Variants in ABCB11 observed in about 807,000 individuals in gnomAD.
The protein encoded by ABCB11 is bile salt export pump.
Under a neutral mutation model 148.0 loss-of-function variants are expected in ABCB11, and 95 were observed. The observed-to-expected ratio is 0.64, with a 90% CI of 0.54 to 0.76. The LOEUF is 0.76. Among genes scored for constraint, ABCB11 ranks in the 30% least tolerant of loss-of-function variants. The pLI, the probability that ABCB11 is intolerant of heterozygous loss-of-function variation, is 0.00. For synonymous variants in ABCB11, 591 were observed against 555.4 expected (o/e 1.06, Z -0.90); for missense variants, 1,523 against 1,617.8 (o/e 0.94, Z 1.01).
intron 25 of ABCB11, among the ~76,000 whole-genome samples, chr2:168,929,323 C>T (rs1388312805): frequency 2.0e-5 from 3 of 151,800 alleles, no homozygotes; most frequent in East Asian, 1.9e-4. Context: ...GCAAACGTTG[C>T]GAGTGACAGA....
At chr2:168,926,591 T>C (rs1179895351) in intron 26 of ABCB11, among the ~76,000 whole-genome samples, 1 of 152,170 alleles carries the variant, frequency 6.6e-6, no homozygotes, top group Non-Finnish European at 1.5e-5. Flanking sequence ...ATAGCATCCA[T>C]TGCATTGGGC....
chr2:169,010,879 A>G (rs1219236050), intron 5 of ABCB11, among the ~76,000 whole-genome samples: 1 of 152,218 alleles, frequency 6.6e-6, no homozygotes, highest in African/African-American at 2.4e-5. Flanking sequence ...ATACAATTTC[A>G]GCTATCTGTA....
At chr2:168,970,353 A>G (rs1245508697) in intron 14 of ABCB11, 138 bp from the exon 15 acceptor site, 6 of 1,537,718 alleles carry the variant, frequency 3.9e-6, no homozygotes, top group Non-Finnish European at 5.2e-6. Flanking sequence ...TGAAAGAAAT[A>G]TCCCTTCCCC....
chr2:168,981,773 A>G (rs1694144539), intron 10 of ABCB11, among the ~76,000 whole-genome samples: 1 of 152,186 alleles, frequency 6.6e-6, no homozygotes, highest in East Asian at 1.9e-4. Flanking sequence ...TTTTCAGGCC[A>G]TATGGGCTCT....
chr2:168,959,750 C>A (rs936231615), intron 18 of ABCB11, among the ~76,000 whole-genome samples: 1 of 151,478 alleles, frequency 6.6e-6, no homozygotes, highest in Non-Finnish European at 1.5e-5. Context: ...GGTTTCCTCT[C>A]GTTTAAAACA....
chr2:169,007,768 A>G (rs182859184), intron 5 of ABCB11, among the ~76,000 whole-genome samples: 115 of 152,332 alleles, frequency 7.5e-4, no homozygotes, highest in African/African-American at 2.5e-3. Flanking sequence ...CAGAAGCAAC[A>G]AAAGAACAAA....
At chr2:168,924,917 G>A in intron 26 of ABCB11, 114 bp from the exon 27 acceptor site, 1 of 833,322 alleles carries the variant, frequency 1.2e-6, no homozygotes, top group South Asian at 2.9e-5. Flanking sequence ...TTGAACTAGG[G>A]AACAGTGAGT....
chr2:169,031,244 G>A lies in ABCB11; in HGVS notation c.-47C>T, dbSNP rs541969773. 6.6e-6 allele frequency: 1 copy of A among 152,296 alleles called. No individual in the cohort carries two copies. Among genetic ancestry groups the A allele is most frequent in the Admixed American group, 6.5e-5 (1 of 15,304 alleles). The allele number at this position is 152,296 out of a possible 1,614,324, so 9.4% of individuals were successfully genotyped here. A position where few individuals can be genotyped will look rare whatever the true frequency, so the allele number is the denominator to read the frequency against. ...ACTTACCTGTGAATATGAATTTGAGGAAGCCAGAGGAAATAATGGACTCCA... is the reference window on the plus strand; with the variant it reads ...ACTTACCTGTGAATATGAATTTGAGAAAGCCAGAGGAAATAATGGACTCCA... On this transcript the variant is annotated 5_prime_UTR_variant, in exon 1 of 28. Transcript: ENST00000650372.
chr2:168,996,003 T>C (rs2106015176), intron 6 of ABCB11, among the ~76,000 whole-genome samples: 1 of 122,522 alleles, frequency 8.2e-6, no homozygotes, highest in East Asian at 2.3e-4. Flanking sequence ...AAAAAAAGCC[T>C]GTCATTAAAA....
At chr2:169,015,191 A>G (rs943084244) in intron 3 of ABCB11, among the ~76,000 whole-genome samples, 2 of 151,866 alleles carry the variant, frequency 1.3e-5, no homozygotes, top group Non-Finnish European at 2.9e-5. Flanking sequence ...CACTCTCACC[A>G]TCATCCTCAA....
intron 8 of ABCB11, among the ~76,000 whole-genome samples, chr2:168,992,995 T>G (rs192098827): frequency 6.6e-6 from 1 of 152,120 alleles, no homozygotes; most frequent in Non-Finnish European, 1.5e-5. Context: ...TAATAATTTC[T>G]CAGTCCTTGG....
At chr2:168,930,300 C>T (rs2105887769) in intron 25 of ABCB11, among the ~76,000 whole-genome samples, 1 of 152,268 alleles carries the variant, frequency 6.6e-6, no homozygotes, top group African/African-American at 2.4e-5. Context: ...ATCATTATTT[C>T]CCTTATCACT....
intron 19 of ABCB11, among the ~76,000 whole-genome samples, chr2:168,947,420 T>C (rs1252056616): frequency 6.6e-6 from 1 of 151,452 alleles, no homozygotes; most frequent in East Asian, 2.0e-4. Context: ...CCAAGTCAAA[T>C]GGACACAGGG....
chr2:168,985,790 C>T (rs775795191), intron 10 of ABCB11, among the ~76,000 whole-genome samples: 8 of 151,898 alleles, frequency 5.3e-5, no homozygotes, highest in South Asian at 2.1e-4. Flanking sequence ...GGGGACTCAG[C>T]GGAAAAGGGT....
intron 5 of ABCB11, among the ~76,000 whole-genome samples, chr2:169,002,078 A>C (rs1447191480): frequency 6.6e-6 from 1 of 152,208 alleles, no homozygotes; most frequent in Non-Finnish European, 1.5e-5. Flanking sequence ...AGAAAAACAA[A>C]ATCATTTCAA....
At chr2:169,016,576 T>C (rs531318505) in intron 3 of ABCB11, among the ~76,000 whole-genome samples, 11 of 152,288 alleles carry the variant, frequency 7.2e-5, no homozygotes, top group African/African-American at 2.6e-4. Flanking sequence ...AGGGGACATT[T>C]GAACCTAACC....
Position 168,957,947 on chromosome 2 carries a change from T to A in ABCB11, c.2343+17A>T. On this transcript the variant is annotated intron_variant, in intron 19 of 27. Transcript: ENST00000650372. ...AAAGGTATGAGAAGAAGAAAGCTAG[T>A]CCAGCTGTGTACTTACCCCAAGAAT... 1 of 1,516,278 alleles carries A rather than the reference T, an allele frequency of 6.6e-7. No homozygotes were observed. The highest frequency in any genetic ancestry group is 8.9e-7 in the Non-Finnish European group (1 of 1,117,412). The allele number at this position is 1,516,278 out of a possible 1,614,324, so 93.9% of individuals were successfully genotyped here.
downstream of ABCB11, among the ~76,000 whole-genome samples, chr2:168,917,265 T>C (rs996515261): frequency 1.3e-5 from 2 of 152,124 alleles, no homozygotes; most frequent in Non-Finnish European, 2.9e-5. Flanking sequence ...TTCTAATATA[T>C]GGGCATCTCT....
chr2:169,029,027 G>C (rs1333319601), intron 1 of ABCB11, among the ~76,000 whole-genome samples: 2 of 152,262 alleles, frequency 1.3e-5, no homozygotes, highest in Non-Finnish European at 2.9e-5. Flanking sequence ...GACAGTGAGG[G>C]GAACCAAGCC....
Sources: gnomAD v4.1 joint callset for allele counts (sites outside exome capture counted in the v4.1 genomes callset) on GRCh38, gnomAD v4.1.1 for gene constraint, MANE v1.5 for transcripts, NCBI Gene and HGNC (gene_info 2026-07-23, HGNC 2026-07-21) for gene names.